Variants in CCDC18 observed in about 807,000 individuals in gnomAD.
CCDC18 encodes the protein coiled-coil domain containing 18.
A neutral mutation model predicts 196.0 loss-of-function variants in CCDC18; 157 were observed. The ratio of observed to expected loss-of-function variants is 0.80; its 90% CI spans 0.70 to 0.91. CCDC18 has a LOEUF of 0.91. Ranked by LOEUF, CCDC18 falls within the 40% of genes least tolerant of loss-of-function variation. The pLI, the probability that CCDC18 is intolerant of heterozygous loss-of-function variation, is 0.00. For synonymous variants in CCDC18, 482 were observed against 529.2 expected (o/e 0.91, Z 1.22); for missense variants, 1,465 against 1,611.6 (o/e 0.91, Z 1.56).
intron 4 of CCDC18, among the ~76,000 whole-genome samples, chr1:93,190,347 G>A (rs1651538243): frequency 6.6e-6 from 1 of 152,150 alleles, no homozygotes; most frequent in Admixed American, 6.5e-5. Context: ...AATTAGCTGG[G>A]CGTGGTGATG....
At chr1:93,222,983 C>T (rs1231436889) in intron 16 of CCDC18, among the ~76,000 whole-genome samples, 1 of 152,044 alleles carries the variant, frequency 6.6e-6, no homozygotes, top group Non-Finnish European at 1.5e-5. Context: ...TGTGTTTATT[C>T]ATAAATATTC....
intron 18 of CCDC18, among the ~76,000 whole-genome samples, chr1:93,234,980 CTTTTTTTTTCTTTTT>C (rs1405857630): frequency 4.2e-5 from 3 of 71,074 alleles, no homozygotes; most frequent in Non-Finnish European, 8.4e-5. Flanking sequence ...TGTGGCTTTT[CTTTTTTTTTCTTTTT>C]TTTTTTTTTG....
chr1:93,265,881 TCAA>T (rs901284360), intron 27 of CCDC18, among the ~76,000 whole-genome samples: 48 of 151,196 alleles, frequency 3.2e-4, no homozygotes, highest in African/African-American at 1.1e-3. Flanking sequence ...ATTAGACAGA[TCAA>T]CGAGACAGAA....
chr1:93,258,753 T>C lies in CCDC18; in HGVS notation c.3552T>C (p.Ala1184=), dbSNP rs1663376830. 4 of 1,543,630 alleles carry C rather than the reference T, an allele frequency of 2.6e-6. No individual in the cohort carries two copies. In the South Asian group the frequency reaches 3.8e-5, roughly 15 times the overall value. Residue 1184 remains alanine (A), a synonymous_variant, in exon 26 of 29, where the codon GCT becomes GCC. Transcript: ENST00000690025. The part of the protein sequence containing the change: ...DMKQLSKEKD[A]HGNHLAEELG... ...CTCAATATGTCATTTTTAAGGATGC[T>C]CATGGAAACCATTTAGCTGAAGAAC...
At position 93,185,229 on chromosome 1, in the gene CCDC18, A is replaced by AT. The variant is rs1192766279; in HGVS notation, c.303+1087dup. Among the ~76,000 whole-genome samples, 17 of 152,040 alleles carry AT rather than the reference A, an allele frequency of 1.1e-4. No homozygotes were observed. The East Asian group carries it at 3.3e-3, about 29-fold the overall frequency. Reference sequence around the variant, plus strand: ...TAAACATTCAAATGTTTGAGGTGTTATTTTATTGGTGATATTGGGTACGGG... The same window carrying AT: ...TAAACATTCAAATGTTTGAGGTGTTATTTTTATTGGTGATATTGGGTACGGG... On this transcript the variant is annotated intron_variant, in intron 3 of 28. Transcript: ENST00000690025.
At chr1:93,211,758 G>A (rs779219372) in intron 10 of CCDC18, among the ~76,000 whole-genome samples, 3 of 152,018 alleles carry the variant, frequency 2.0e-5, no homozygotes, top group Non-Finnish European at 4.4e-5. Context: ...TAGGTATCTT[G>A]TTTCTGTTTT....
At chr1:93,264,404 G>A (rs1664218064) in intron 26 of CCDC18, among the ~76,000 whole-genome samples, 2 of 152,044 alleles carry the variant, frequency 1.3e-5, no homozygotes, top group Non-Finnish European at 2.9e-5. Flanking sequence ...CCCAATCATT[G>A]TTCACATTTC....
At chr1:93,236,776 T>C (rs1660122387) in intron 19 of CCDC18, among the ~76,000 whole-genome samples, 1 of 152,098 alleles carries the variant, frequency 6.6e-6, no homozygotes, top group South Asian at 2.1e-4. Context: ...TCCAATTATA[T>C]AGGGGAAGAA....
rs536417495 is a variant in CCDC18, at chr1:93,269,581, T to C, written c.3886-766T>C. On this transcript the variant is annotated intron_variant, in intron 27 of 28. Transcript: ENST00000690025. ...GTATTTTTGAAAGCTACTTTAAGAA[T>C]AGAAACTATCAGAGTAAAACTGACA... 9.9e-5 allele frequency: 15 copies of C among 152,260 alleles called. No individual in the cohort carries two copies. The South Asian group carries it at 3.1e-3, about 32-fold the overall frequency. 9.4% of individuals were successfully genotyped at this position (152,260 alleles called of 1,614,324 possible). A position where few individuals can be genotyped will look rare whatever the true frequency, so the allele number is the denominator to read the frequency against.
intron 23 of CCDC18, among the ~76,000 whole-genome samples, chr1:93,252,560 A>G (rs558600527): frequency 6.6e-6 from 1 of 152,240 alleles, no homozygotes; most frequent in East Asian, 1.9e-4. Context: ...AACTTCCTTA[A>G]AATACCTATT....
At chr1:93,271,076 TTAAAAA>T in intron 28 of CCDC18, 6 of 983,816 alleles carry the variant, frequency 6.1e-6, no homozygotes, top group Non-Finnish European at 7.2e-6. Flanking sequence ...ATGAAAGTGC[TTAAAAA>T]TAAAAAAATT....
intron 23 of CCDC18, among the ~76,000 whole-genome samples, chr1:93,250,069 T>A (rs12736355): frequency 6.6e-6 from 1 of 152,100 alleles, no homozygotes; most frequent in Non-Finnish European, 1.5e-5. Flanking sequence ...TATTCCATAG[T>A]GGTTAGATAA....
In CCDC18 at chr1:93,184,023, G is replaced by T. The variant is rs1379845685; in HGVS notation, c.180G>T (p.Arg60Ser). Residue 60 changes from arginine (R) to serine (S), a missense_variant, in exon 3 of 29, where the codon AGG becomes AGT. Transcript: ENST00000690025. The stretch of plus-strand genomic sequence containing the variant: ...CTGATTATGCCCCTAATCCTTCAAG[G>T]TCTGAAAAGCTAATTTTGGATGTTC... ...ENSDYAPNPS[R>S]SEKLILDVQP... 1.9e-6 allele frequency: 3 copies of T among 1,582,460 alleles called. No individual in the cohort carries two copies. Among genetic ancestry groups the T allele is most frequent in the Non-Finnish European group, 2.6e-6 (3 of 1,160,834 alleles).
At position 93,261,432 on chromosome 1, in the gene CCDC18, A is replaced by T. The variant is rs531656375; in HGVS notation, c.3684+2547A>T. 3.3e-5 allele frequency among the ~76,000 whole-genome samples: 5 copies of T among 152,280 alleles called. No homozygotes were observed. In the East Asian group the frequency reaches 9.6e-4, roughly 29 times the overall value. On this transcript the variant is annotated intron_variant, in intron 26 of 28. Transcript: ENST00000690025. ...TGACCATTTTCTTTATCTAAAAGAG[A>T]ATACTTTTGAGAATGAAAAGGAATG... is the stretch of plus-strand genomic sequence containing the variant.
intron 3 of CCDC18, 59 bp downstream of exon 3, chr1:93,184,205 A>G (rs1442148391): frequency 1.0e-6 from 1 of 978,586 alleles, no homozygotes; most frequent in Non-Finnish European, 1.3e-6. Flanking sequence ...CTGTCTACTT[A>G]AAAAAAATTT....
chr1:93,254,723 T>G (rs1662707560), intron 24 of CCDC18, 109 bp downstream of exon 24: 1 of 1,036,744 alleles, frequency 9.6e-7, no homozygotes, highest in Non-Finnish European at 1.5e-6. Context: ...GTGCCATAAC[T>G]GTTTTTAGGC....
In CCDC18 at chr1:93,187,068, C is replaced by G. The variant is rs1365566339; in HGVS notation, c.462+565C>G. 6.6e-5 allele frequency among the ~76,000 whole-genome samples: 10 copies of G among 151,890 alleles called. No homozygotes were observed. The South Asian group carries it at 1.2e-3, about 19-fold the overall frequency. ...TTATATCATAATTTAGTTAATAATT[C>G]CTGTATTTCAGTGGTTTCCTATTTT... On this transcript the variant is annotated intron_variant, in intron 4 of 28. Coordinates refer to ENST00000690025, the MANE Select transcript of CCDC18 (RefSeq NM_001378204.1).
At chr1:93,208,325 T>C (rs567352455) in intron 9 of CCDC18, among the ~76,000 whole-genome samples, 1 of 120,010 alleles carries the variant, frequency 8.3e-6, no homozygotes, top group South Asian at 3.2e-4. Flanking sequence ...GTGGTTTTTC[T>C]TTTTTTTTGT....
chr1:93,277,376 G>A (rs1459407921), intron 28 of CCDC18, among the ~76,000 whole-genome samples: 4 of 64,186 alleles, frequency 6.2e-5, no homozygotes, highest in Non-Finnish European at 1.0e-4. Context: ...CTTCCCACGA[G>A]GCCATATTTC....
Sources: gnomAD v4.1 joint callset for allele counts (sites outside exome capture counted in the v4.1 genomes callset) on GRCh38, gnomAD v4.1.1 for gene constraint, MANE v1.5 for transcripts, NCBI Gene and HGNC (gene_info 2026-07-23, HGNC 2026-07-21) for gene names.